Variants in CFAP97D1 observed in about 807,000 individuals in gnomAD.
CFAP97D1 encodes the protein CFAP97 domain containing 1.
A neutral mutation model predicts 20.5 loss-of-function variants in CFAP97D1; 15 were observed. That is an observed-to-expected ratio of 0.73 (90% CI 0.49 to 1.13). The LOEUF (loss-of-function observed/expected upper bound fraction) is 1.13. CFAP97D1 is among the 50% of genes most tolerant of loss of function. CFAP97D1 has a pLI of 0.00. For synonymous variants in CFAP97D1, 58 were observed against 71.2 expected (o/e 0.82, Z 0.93); for missense variants, 168 against 202.9 (o/e 0.83, Z 1.04).
At position 43,783,902 on chromosome 17, in the gene CFAP97D1, C is replaced by T. The variant is rs567974747; in HGVS notation, c.*9C>T. 2 of 1,543,422 alleles carry T rather than the reference C, an allele frequency of 1.3e-6. No individual in the cohort carries two copies. The highest frequency in any genetic ancestry group is 1.2e-5 in the South Asian group (1 of 83,892). On this transcript the variant is annotated intron_variant, in intron 5 of 5. Coordinates refer to ENST00000449302, the MANE Select transcript of CFAP97D1 (RefSeq NM_001136483.3). ...TCTCCCAAAATGAATAGGTATGTCT[C>T]TCTTACTATCAAACACTGTGACCAC...
chr17:43,781,910 C>G lies in CFAP97D1; in HGVS notation c.314+18C>G. On this transcript the variant is annotated intron_variant, in intron 3 of 5. Transcript: ENST00000449302. ...TCCAAGAGGTAATGTTCTTTGTCTT[C>G]ATTTCAGTTTTGAAAAGTCAAAATT... 6.7e-7 allele frequency: 1 copy of G among 1,493,018 alleles called. No individual in the cohort carries two copies. The highest frequency in any genetic ancestry group is 1.2e-5 in the South Asian group (1 of 82,938). The allele number at this position is 1,493,018 out of a possible 1,614,324, so 92.5% of individuals were successfully genotyped here.
chr17:43,782,973 C>T, intron 3 of CFAP97D1: 1 of 587,032 alleles, frequency 1.7e-6, no homozygotes, highest in Non-Finnish European at 3.0e-6. Flanking sequence ...GGGTTGAGGA[C>T]CACTGATATA....
rs892807380 is a variant in CFAP97D1, at chr17:43,785,917, T to C, written c.*1535T>C. The C allele has an allele frequency of 2.0e-5, 3 of 151,952 alleles. No individual in the cohort carries two copies. Among genetic ancestry groups the C allele is most frequent in the Admixed American group, 2.0e-4 (3 of 15,256 alleles). The allele number at this position is 151,952 out of a possible 1,614,324, so 9.4% of individuals were successfully genotyped here. ...CTGTGTCCAAGCCCCGCCTCTGGAG[T>C]CAAGGCCTGCCTCCCACCTCACTGG... On this transcript the variant is annotated 3_prime_UTR_variant, in exon 6 of 6. Coordinates refer to ENST00000449302, the MANE Select transcript of CFAP97D1 (RefSeq NM_001136483.3).
intron 4 of CFAP97D1, 117 bp downstream of exon 4, chr17:43,783,420 A>AAT: frequency 1.5e-6 from 2 of 1,337,490 alleles, no homozygotes; most frequent in Non-Finnish European, 2.0e-6. Context: ...GAAATGTAAC[A>AAT]ATCGTTAAAA....
Position 43,786,267 on chromosome 17 carries a change from C to T in CFAP97D1, c.*1885C>T, listed in dbSNP as rs2044291894. 3 of 152,220 alleles carry T rather than the reference C, an allele frequency of 2.0e-5. No homozygotes were observed. Among genetic ancestry groups the T allele is most frequent in the Non-Finnish European group, 2.9e-5 (2 of 68,046 alleles). The allele number at this position is 152,220 out of a possible 1,614,324, so 9.4% of individuals were successfully genotyped here. On this transcript the variant is annotated 3_prime_UTR_variant, in exon 6 of 6. Coordinates refer to ENST00000449302, the MANE Select transcript of CFAP97D1 (RefSeq NM_001136483.3). ...AGTTCACTCAGACTTACATGCTAAT[C>T]TCCCCTGGAAACACTCACAGACACA... is the stretch of plus-strand genomic sequence containing the variant.
intron 3 of CFAP97D1, among the ~76,000 whole-genome samples, chr17:43,782,139 G>A (rs544253027): frequency 2.6e-5 from 4 of 152,264 alleles, no homozygotes; most frequent in Middle Eastern, 3.4e-3. Flanking sequence ...AATGCACTGC[G>A]CACTTTTATA....
At chr17:43,782,939 A>C in intron 3 of CFAP97D1, 1 of 517,600 alleles carries the variant, frequency 1.9e-6, no homozygotes, top group Non-Finnish European at 3.5e-6. Flanking sequence ...AGATCAATGA[A>C]GTAGAATCTT....
At chr17:43,780,647 G>C in intron 1 of CFAP97D1, 61 bp downstream of exon 1, 2 of 1,537,792 alleles carry the variant, frequency 1.3e-6, no homozygotes, top group Non-Finnish European at 1.8e-6. Flanking sequence ...ACCCCATAAA[G>C]AGATCAACAG....
chr17:43,786,259 A>T lies in CFAP97D1; in HGVS notation c.*1877A>T, dbSNP rs1350912117. Reference sequence around the variant, plus strand: ...TCCCACATAGTTCACTCAGACTTACATGCTAATCTCCCCTGGAAACACTCA... The same window carrying T: ...TCCCACATAGTTCACTCAGACTTACTTGCTAATCTCCCCTGGAAACACTCA... On this transcript the variant is annotated 3_prime_UTR_variant, in exon 6 of 6. Coordinates refer to ENST00000449302, the MANE Select transcript of CFAP97D1 (RefSeq NM_001136483.3). 1 of 152,330 alleles carries T rather than the reference A, an allele frequency of 6.6e-6. No homozygotes were observed. The highest frequency in any genetic ancestry group is 2.4e-5 in the African/African-American group (1 of 41,568). The allele number at this position is 152,330 out of a possible 1,614,324, so 9.4% of individuals were successfully genotyped here.
rs1304897641 is a variant in CFAP97D1 at position 43,785,729 on chromosome 17, A to G, written c.*1347A>G. On this transcript the variant is annotated 3_prime_UTR_variant, in exon 6 of 6. Coordinates refer to ENST00000449302, the MANE Select transcript of CFAP97D1 (RefSeq NM_001136483.3). ...TGAGCCACCATGTCCGGCCTATAGG[A>G]AAGGGTAGTAATTTTTGGGTCCTTG... 6.6e-6 allele frequency: 1 copy of G among 152,186 alleles called. No homozygotes were observed. The highest frequency in any genetic ancestry group is 1.5e-5 in the Non-Finnish European group (1 of 68,106). The allele number at this position is 152,186 out of a possible 1,614,324, so 9.4% of individuals were successfully genotyped here. A position where few individuals can be genotyped will look rare whatever the true frequency, so the allele number is the denominator to read the frequency against.
chr17:43,781,288 AT>A, intron 2 of CFAP97D1, 99 bp downstream of exon 2: 1 of 987,564 alleles, frequency 1.0e-6, no homozygotes, highest in Non-Finnish European at 1.5e-6. Context: ...CTAAATACCC[AT>A]CTACTCAAAG....
At position 43,783,169 on chromosome 17, in the gene CFAP97D1, G is replaced by A. The variant is rs1256751383; in HGVS notation, c.315-11G>A. 6.4e-6 allele frequency: 10 copies of A among 1,551,502 alleles called. No individual in the cohort carries two copies. In the East Asian group the frequency reaches 2.4e-4, roughly 38 times the overall value. ...CCTTCTTCACCCATTTCGGGGTTTTGTGTTTTTCAGCTTAAACAGAGAAAC... is the reference window on the plus strand; with the variant it reads ...CCTTCTTCACCCATTTCGGGGTTTTATGTTTTTCAGCTTAAACAGAGAAAC... On this transcript the variant is annotated splice_polypyrimidine_tract_variant and intron_variant, in intron 3 of 5. Coordinates refer to ENST00000449302, the MANE Select transcript of CFAP97D1 (RefSeq NM_001136483.3).
intron 3 of CFAP97D1, 184 bp from the exon 4 acceptor site, chr17:43,782,996 C>T (rs1050556517): frequency 3.3e-5 from 21 of 633,820 alleles, no homozygotes; most frequent in Non-Finnish European, 3.8e-5. Context: ...CCTGCGAATG[C>T]GGTGCATGTT....
chr17:43,782,983 A>C (rs572260595), intron 3 of CFAP97D1, 197 bp from the exon 4 acceptor site: 1 of 611,554 alleles, frequency 1.6e-6, no homozygotes, highest in East Asian at 2.8e-5. Flanking sequence ...CCACTGATAT[A>C]AACCTGCGAA....
chr17:43,785,240 G>A lies in CFAP97D1; in HGVS notation c.*858G>A, dbSNP rs1436717467. 6.6e-6 allele frequency: 1 copy of A among 152,212 alleles called. No homozygotes were observed. The highest frequency in any genetic ancestry group is 1.5e-5 in the Non-Finnish European group (1 of 68,092). The allele number at this position is 152,212 out of a possible 1,614,324, so 9.4% of individuals were successfully genotyped here. A position where few individuals can be genotyped will look rare whatever the true frequency, so the allele number is the denominator to read the frequency against. On this transcript the variant is annotated 3_prime_UTR_variant, in exon 6 of 6. Transcript: ENST00000449302. ...GCTTCACCCAGGAAAGAATTTAAGG[G>A]TGAGCCAGTGGTAGGGTAGAAGAAG... is the stretch of plus-strand genomic sequence containing the variant.
chr17:43,783,350 C>G, intron 4 of CFAP97D1, 47 bp downstream of exon 4: 3 of 1,549,166 alleles, frequency 1.9e-6, no homozygotes, highest in Non-Finnish European at 2.6e-6. Flanking sequence ...CAGAGTTTGT[C>G]GGTGTTCAGC....
rs1475023880 is a variant in CFAP97D1, at chr17:43,786,362, T to C, written c.*1980T>C. The C allele has an allele frequency of 6.6e-6, 1 of 152,198 alleles. No individual in the cohort carries two copies. The highest frequency in any genetic ancestry group is 1.9e-4 in the East Asian group (1 of 5,192). 9.4% of individuals were successfully genotyped at this position (152,198 alleles called of 1,614,324 possible). A position where few individuals can be genotyped will look rare whatever the true frequency, so the allele number is the denominator to read the frequency against. ...ACCTTAAATTAACCATCGCACTGAC[T>C]TTTTAAACTTTCTATTTTGAAATAA... On this transcript the variant is annotated 3_prime_UTR_variant, in exon 6 of 6. Transcript: ENST00000449302.
chr17:43,781,107 C>T lies in CFAP97D1; in HGVS notation c.125-12C>T. ...TGATGTAACATTGTTCCCTTTTATCCCCCTTCTCTAGCGAAGCCTACTGTT... is the reference window on the plus strand; with the variant it reads ...TGATGTAACATTGTTCCCTTTTATCTCCCTTCTCTAGCGAAGCCTACTGTT... On this transcript the variant is annotated splice_polypyrimidine_tract_variant and intron_variant, in intron 1 of 5. Coordinates refer to ENST00000449302, the MANE Select transcript of CFAP97D1 (RefSeq NM_001136483.3). The T allele has an allele frequency of 6.5e-7, 1 of 1,547,426 alleles. No individual in the cohort carries two copies. Among genetic ancestry groups the T allele is most frequent in the Non-Finnish European group, 8.7e-7 (1 of 1,143,322 alleles).
chr17:43,781,677 C>T (rs1281560631), intron 2 of CFAP97D1, 97 bp from the exon 3 acceptor site: 4 of 845,250 alleles, frequency 4.7e-6, no homozygotes, highest in Non-Finnish European at 5.9e-6. Context: ...TCAATGCACC[C>T]CTTTCCCACG....
Sources: allele counts gnomAD v4.1 joint callset (sites outside exome capture counted in the v4.1 genomes callset), GRCh38; gene constraint gnomAD v4.1.1; transcripts MANE v1.5; gene names NCBI Gene and HGNC (gene_info 2026-07-23, HGNC 2026-07-21).